Variants in NSD2 observed in about 807,000 individuals in gnomAD.
NSD2 encodes the protein nuclear receptor binding SET domain protein 2, also known as histone-lysine N-methyltransferase NSD2.
A neutral mutation model predicts 139.0 loss-of-function variants in NSD2; 12 were observed. The ratio of observed to expected loss-of-function variants is 0.09; its 90% CI spans 0.06 to 0.14. The LOEUF (loss-of-function observed/expected upper bound fraction) is 0.14, where lower values mean the gene tolerates loss of function less well. NSD2 is among the 10% of genes least tolerant of loss of function. The probability of loss-of-function intolerance (pLI) is 1.00; values close to 1 mark genes in which losing one functional copy is unlikely to be tolerated. For missense variants in NSD2, 1,155 were observed against 1,745.0 expected, an observed-to-expected ratio of 0.66 and a Z score of 6.02; for synonymous variants, 669 against 648.7, an observed-to-expected ratio of 1.03 and a Z score of -0.48.
rs956683048 is a variant in NSD2 at position 1,980,368 on chromosome 4, T to C, written c.*1459T>C. ...CCCACGTGTCCTGAGGGGCTGCTTG[T>C]CTGGGAGGGAGGGAGAGAACATTCA... On this transcript the variant is annotated 3_prime_UTR_variant, in exon 22 of 22. Coordinates refer to ENST00000508803, the MANE Select transcript of NSD2 (RefSeq NM_001042424.3). The C allele has an allele frequency of 1.3e-5, 3 of 233,106 alleles. No individual in the cohort carries two copies. Among genetic ancestry groups the C allele is most frequent in the Non-Finnish European group, 2.5e-5 (3 of 118,030 alleles). 14.4% of individuals were successfully genotyped at this position (233,106 alleles called of 1,614,324 possible). A position where few individuals can be genotyped will look rare whatever the true frequency, so the allele number is the denominator to read the frequency against.
rs1444986969 is a variant in NSD2, at chr4:1,871,730, G to T, written c.-30+188G>T. On this transcript the variant is annotated intron_variant, in intron 1 of 21. Coordinates refer to ENST00000508803, the MANE Select transcript of NSD2 (RefSeq NM_001042424.3). The stretch of plus-strand genomic sequence containing the variant: ...GGCTCAGGGGCTGGGGGACCGGGAG[G>T]CCGGGCGGCCTGAGAGGGTCGTGGG... Among the ~76,000 whole-genome samples, 8 of 149,850 alleles carry T rather than the reference G, an allele frequency of 5.3e-5. No individual in the cohort carries two copies. In the South Asian group the frequency reaches 1.5e-3, roughly 27 times the overall value.
chr4:1,927,690 G>T (rs1052940138), intron 5 of NSD2, among the ~76,000 whole-genome samples: 12 of 121,874 alleles, frequency 9.8e-5, no homozygotes, highest in African/African-American at 3.5e-4. Flanking sequence ...CTGCACTCCA[G>T]CCTGGGCCAC....
At chr4:1,894,701 G>T (rs914673373) in intron 1 of NSD2, among the ~76,000 whole-genome samples, 1 of 151,396 alleles carries the variant, frequency 6.6e-6, no homozygotes. Context: ...ATGAAAAGAA[G>T]AAGTTGTCTT....
chr4:1,929,930 C>G (rs1721435993), intron 5 of NSD2, among the ~76,000 whole-genome samples: 1 of 152,134 alleles, frequency 6.6e-6, no homozygotes, highest in South Asian at 2.1e-4. Context: ...AGCGAAGTCC[C>G]CAGGATCAGA....
At chr4:1,941,070 A>G in intron 9 of NSD2, 1 of 1,056,188 alleles carries the variant, frequency 9.5e-7, no homozygotes, top group South Asian at 4.6e-5. Flanking sequence ...AGTAAGAATT[A>G]TTTACTGAAA....
Position 1,934,632 on chromosome 4 carries a change from G to A in NSD2, c.1556-512G>A, listed in dbSNP as rs184249976. On this transcript the variant is annotated intron_variant, in intron 6 of 21. Transcript: ENST00000508803. ...TGGGAGGCCGAGGCAGGCGGATCAC[G>A]AGGACAGGAGTTCGAGACCAGCCTG... 2.8e-3 allele frequency among the ~76,000 whole-genome samples: 423 copies of A among 149,076 alleles called. 5 individuals carry two copies. Among genetic ancestry groups the A allele is most frequent in the African/African-American group, 9.5e-3 (389 of 40,810 alleles).
Position 1,953,481 on chromosome 4 carries a change from G to A in NSD2, c.2295G>A (p.Val765=), listed in dbSNP as rs1468528648. ...TCCGCTGCCCCCTCCACAGCTGTGT[G>A]AGCTGCCATGCTTCCAACCCTTCAA... The part of the protein sequence containing the change: ...RGFRCPLHSC[V]SCHASNPSNP... The change falls in exon 12 of 22, where the codon GTG becomes GTA. Residue 765 remains valine (V), a synonymous_variant. Coordinates refer to ENST00000508803, the MANE Select transcript of NSD2 (RefSeq NM_001042424.3). The A allele has an allele frequency of 6.2e-7, 1 of 1,613,804 alleles. No homozygotes were observed. The highest frequency in any genetic ancestry group is 1.3e-5 in the African/African-American group (1 of 74,928).
chr4:1,908,914 T>A (rs1206195315), intron 3 of NSD2, among the ~76,000 whole-genome samples: 1 of 152,022 alleles, frequency 6.6e-6, no homozygotes, highest in East Asian at 1.9e-4. Context: ...TCCCAAATTG[T>A]TGGGATTACA....
At chr4:1,889,810 C>CT (rs574016629) in intron 1 of NSD2, among the ~76,000 whole-genome samples, 115 of 145,914 alleles carry the variant, frequency 7.9e-4, no homozygotes, top group South Asian at 7.6e-3. Context: ...CCCAGCCGAC[C>CT]TTTTTTTTTT....
At chr4:1,940,244 G>T in intron 9 of NSD2, 1 of 1,076,118 alleles carries the variant, frequency 9.3e-7, no homozygotes, top group East Asian at 4.8e-5. Flanking sequence ...GGAAGCCAAA[G>T]ATTTCTTTGT....
chr4:1,945,332 T>C lies in NSD2; in HGVS notation c.1881+5554T>C. On this transcript the variant is annotated intron_variant, in intron 9 of 21. Coordinates refer to ENST00000508803, the MANE Select transcript of NSD2 (RefSeq NM_001042424.3). ...GGAGGATGCTGTGTGAGAGCCATGC[T>C]GTCAGGAGCAAGCTTGCTGCTCCTG... 6 of 1,065,848 alleles carry C rather than the reference T, an allele frequency of 5.6e-6. No individual in the cohort carries two copies. The South Asian group carries it at 1.4e-4, about 24-fold the overall frequency. 66.0% of individuals were successfully genotyped at this position (1,065,848 alleles called of 1,614,324 possible).
In NSD2 at chr4:1,917,538, G is replaced by A. The variant is rs372303057; in HGVS notation, c.927+501G>A. ...GCATCCTCTGCCCCTCCGGGTTCAA[G>A]CGATTCTCCTGCCTCAGCCTCCCAA... is the stretch of plus-strand genomic sequence containing the variant. On this transcript the variant is annotated intron_variant, in intron 4 of 21. Coordinates refer to ENST00000508803, the MANE Select transcript of NSD2 (RefSeq NM_001042424.3). Among the ~76,000 whole-genome samples, 22 of 152,252 alleles carry A rather than the reference G, an allele frequency of 1.4e-4. No homozygotes were observed. The East Asian group carries it at 3.9e-3, about 27-fold the overall frequency.
At chr4:1,947,211 G>C in intron 9 of NSD2, 4 of 1,064,596 alleles carry the variant, frequency 3.8e-6, no homozygotes, top group Non-Finnish European at 4.6e-6. Context: ...AGGACACAGT[G>C]GGACAAAGTT....
At chr4:1,923,389 A>C (rs1201102741) in intron 5 of NSD2, among the ~76,000 whole-genome samples, 1 of 152,142 alleles carries the variant, frequency 6.6e-6, no homozygotes, top group Non-Finnish European at 1.5e-5. Flanking sequence ...AAATTCTGTA[A>C]AGAGCCGAAA....
chr4:1,970,316 G>T (rs1431712506), intron 18 of NSD2, among the ~76,000 whole-genome samples: 1 of 152,234 alleles, frequency 6.6e-6, no homozygotes, highest in Non-Finnish European at 1.5e-5. Flanking sequence ...GACAGGGTGG[G>T]CTCCTCAGAA....
At position 1,918,544 on chromosome 4, in the gene NSD2, C is replaced by A. The variant is rs1235550316; in HGVS notation, c.1331C>A (p.Thr444Asn). The A allele has an allele frequency of 6.2e-7, 1 of 1,613,890 alleles. No individual in the cohort carries two copies. Among genetic ancestry groups the A allele is most frequent in the Admixed American group, 1.7e-5 (1 of 59,966 alleles). ...GVGSPPGRKK[T>N]TVSMPRSRKG... ...GGGTCTCCTCCTGGGAGGAAGAAGA[C>A]CACAGTCTCCATGCCACGAAGCAGG... The change falls in exon 5 of 22, where the codon ACC becomes AAC. Residue 444 changes from threonine to asparagine, a missense_variant. By Grantham distance (65) the Thr-to-Asn change is moderately conservative. Around this residue, in one of 8 missense-constraint regions of NSD2, gnomAD observed 420 missense variants for 469.0 expected, o/e 0.90. Coordinates refer to ENST00000508803, the MANE Select transcript of NSD2 (RefSeq NM_001042424.3).
chr4:1,877,885 A>G (rs28370433), intron 1 of NSD2, among the ~76,000 whole-genome samples: 8,869 of 152,038 alleles, frequency 0.058, 904 homozygotes, highest in African/African-American at 0.21. Context: ...TGTTGTGACC[A>G]GGTACTATTA....
rs188284129 is a variant in NSD2, at chr4:1,958,055, G to C, written c.2985+19G>C. ...CATCAAGGTGGCGTGTGGGAGCTGCGTGCACGCGTGTGGAGGGAGTCTTCC... is the reference window on the plus strand; with the variant it reads ...CATCAAGGTGGCGTGTGGGAGCTGCCTGCACGCGTGTGGAGGGAGTCTTCC... On this transcript the variant is annotated intron_variant, in intron 16 of 21. Transcript: ENST00000508803. The surrounding 1 kb of genome is among the most constrained non-coding windows in gnomAD (Gnocchi z 4.6). 11 of 1,610,212 alleles carry C rather than the reference G, an allele frequency of 6.8e-6. No homozygotes were observed. Among genetic ancestry groups the C allele is most frequent in the South Asian group, 1.1e-5 (1 of 90,868 alleles).
chr4:1,979,355 G>C lies in NSD2; in HGVS notation c.*446G>C. 4.2e-6 allele frequency: 1 copy of C among 238,384 alleles called. No individual in the cohort carries two copies. The highest frequency in any genetic ancestry group is 8.2e-6 in the Non-Finnish European group (1 of 121,830). The allele number at this position is 238,384 out of a possible 1,614,324, so 14.8% of individuals were successfully genotyped here. Reference sequence around the variant, plus strand: ...GCCGTCGCCACTCGGGAGAGGCTGGGTGAGGCCCGTGTGAGGACTGACCCT... The same window carrying C: ...GCCGTCGCCACTCGGGAGAGGCTGGCTGAGGCCCGTGTGAGGACTGACCCT... On this transcript the variant is annotated 3_prime_UTR_variant, in exon 22 of 22. Coordinates refer to ENST00000508803, the MANE Select transcript of NSD2 (RefSeq NM_001042424.3).
Sources: gnomAD v4.1 joint callset for allele counts (sites outside exome capture counted in the v4.1 genomes callset) on GRCh38, gnomAD v4.1.1 for gene constraint, gnomAD v4.1.1 regional missense constraint, Gnocchi (gnomAD v3.1) non-coding constraint, MANE v1.5 for transcripts, NCBI Gene and HGNC (gene_info 2026-07-23, HGNC 2026-07-21) for gene names.